Variants in CNTN6 observed in about 807,000 individuals in gnomAD.
CNTN6 encodes the protein contactin 6.
Under a neutral mutation model 122.8 loss-of-function variants are expected in CNTN6, and 137 were observed. That is an observed-to-expected ratio of 1.12 (90% confidence interval 0.97 to 1.29). The LOEUF is 1.29. CNTN6 is among the 50% of genes most tolerant of loss of function. The pLI is 0.00. For synonymous variants in CNTN6, 570 were observed against 426.0 expected, an observed-to-expected ratio of 1.34 and a Z score of -4.16; for missense variants, 1,634 against 1,223.4, an observed-to-expected ratio of 1.34 and a Z score of -5.01.
chr3:1,263,695 C>T (rs971368356), intron 4 of CNTN6, among the ~76,000 whole-genome samples: 1 of 151,958 alleles, frequency 6.6e-6, no homozygotes, highest in Non-Finnish European at 1.5e-5. Flanking sequence ...TAAACATGTT[C>T]TTGTTGAATA....
rs560243444 is a variant in CNTN6, at chr3:1,235,734, C to T, written c.358+7741C>T. On this transcript the variant is annotated intron_variant, in intron 4 of 22. Transcript: ENST00000446702. Reference sequence around the variant, plus strand: ...AAACCCTTTGAAAGAACTGGATCACCGCTGCAGGCTCCCTGAGATGCAGAA... The same window carrying T: ...AAACCCTTTGAAAGAACTGGATCACTGCTGCAGGCTCCCTGAGATGCAGAA... 1.1e-4 allele frequency among the ~76,000 whole-genome samples: 17 copies of T among 152,214 alleles called. 1 individual carries two copies. The highest frequency in any genetic ancestry group is 1.0e-3 in the South Asian group (5 of 4,826).
At chr3:1,261,501 C>T (rs1056158740) in intron 4 of CNTN6, among the ~76,000 whole-genome samples, 3 of 151,162 alleles carry the variant, frequency 2.0e-5, no homozygotes, top group African/African-American at 7.2e-5. Flanking sequence ...GGTTAAGGAT[C>T]AGTCCTCAGG....
intron 2 of CNTN6, among the ~76,000 whole-genome samples, chr3:1,155,098 C>T (rs1266747313): frequency 6.6e-6 from 1 of 152,186 alleles, no homozygotes; most frequent in African/African-American, 2.4e-5. Flanking sequence ...TAGCTTATCC[C>T]ACTATTGGTC....
rs1274481105 is a variant in CNTN6 at position 1,093,115 on chromosome 3, T to C, written c.-88T>C. Reference sequence around the variant, plus strand: ...AAAACTGTAAAGATCCCGAGACATTTCCCTGGTAAGATCTGTAAGTACAAA... The same window carrying C: ...AAAACTGTAAAGATCCCGAGACATTCCCCTGGTAAGATCTGTAAGTACAAA... On this transcript the variant is annotated 5_prime_UTR_variant, in exon 1 of 23. Coordinates refer to ENST00000446702, the MANE Select transcript of CNTN6 (RefSeq NM_001289080.2). 3.5e-6 allele frequency: 1 copy of C among 289,060 alleles called. No individual in the cohort carries two copies. The highest frequency in any genetic ancestry group is 6.9e-6 in the Non-Finnish European group (1 of 145,378). 17.9% of individuals were successfully genotyped at this position (289,060 alleles called of 1,614,324 possible).
chr3:1,295,381 A>G (rs566575825), intron 5 of CNTN6, among the ~76,000 whole-genome samples: 4 of 152,260 alleles, frequency 2.6e-5, no homozygotes, highest in Admixed American at 6.5e-5. Context: ...CAAAAAGTCA[A>G]TGATGGGGAA....
chr3:1,246,071 G>A (rs1575406485), intron 4 of CNTN6, among the ~76,000 whole-genome samples: 1 of 152,138 alleles, frequency 6.6e-6, no homozygotes, highest in East Asian at 1.9e-4. Flanking sequence ...CTTTTCCCTA[G>A]AAGTATAATA....
intron 22 of CNTN6, among the ~76,000 whole-genome samples, chr3:1,403,006 G>C (rs745715348): frequency 6.6e-6 from 1 of 152,046 alleles, no homozygotes; most frequent in Non-Finnish European, 1.5e-5. Flanking sequence ...TTTTGCATTA[G>C]AAAAATCACT....
intron 20 of CNTN6, among the ~76,000 whole-genome samples, chr3:1,393,761 G>A (rs944488725): frequency 6.6e-6 from 1 of 151,876 alleles, no homozygotes; most frequent in South Asian, 2.1e-4. Flanking sequence ...CCAGTTTAAG[G>A]TGGATTGAAA....
chr3:1,365,274 A>G (rs1408113282), intron 12 of CNTN6, among the ~76,000 whole-genome samples: 1 of 151,992 alleles, frequency 6.6e-6, no homozygotes, highest in African/African-American at 2.4e-5. Context: ...TCACCCACAA[A>G]TATATCAGAA....
chr3:1,377,376 G>T (rs141981183), intron 17 of CNTN6, among the ~76,000 whole-genome samples: 9 of 152,066 alleles, frequency 5.9e-5, no homozygotes, highest in African/African-American at 2.2e-4. Context: ...TGTTTGATTT[G>T]TTACCTGTGG....
intron 7 of CNTN6, among the ~76,000 whole-genome samples, chr3:1,317,589 T>C (rs769779566): frequency 4.6e-5 from 7 of 151,906 alleles, no homozygotes; most frequent in Non-Finnish European, 1.0e-4. Flanking sequence ...GCTTTCTCTA[T>C]TTGGTGGAAA....
At chr3:1,326,587 C>T (rs1701574594) in intron 9 of CNTN6, among the ~76,000 whole-genome samples, 1 of 151,834 alleles carries the variant, frequency 6.6e-6, no homozygotes, top group South Asian at 2.1e-4. Context: ...CCATTTAAAG[C>T]ATACTTTCTT....
chr3:1,385,576 A>G, intron 19 of CNTN6, 35 bp from the exon 20 acceptor site: 1 of 1,518,292 alleles, frequency 6.6e-7, no homozygotes, highest in South Asian at 1.2e-5. Flanking sequence ...TTATTGGGGA[A>G]CAATAAATTG....
At chr3:1,296,260 G>A (rs1232825959) in intron 6 of CNTN6, among the ~76,000 whole-genome samples, 1 of 151,988 alleles carries the variant, frequency 6.6e-6, no homozygotes, top group Non-Finnish European at 1.5e-5. Flanking sequence ...AAAATGGAGG[G>A]AAAAGTTCAT....
At chr3:1,209,823 C>G (rs182999927) in intron 2 of CNTN6, among the ~76,000 whole-genome samples, 2 of 152,136 alleles carry the variant, frequency 1.3e-5, no homozygotes, top group East Asian at 3.9e-4. Context: ...TTTCTTTATT[C>G]CTCTATTTTG....
At chr3:1,381,871 C>A (rs936369356) in intron 17 of CNTN6, among the ~76,000 whole-genome samples, 1 of 152,036 alleles carries the variant, frequency 6.6e-6, no homozygotes, top group African/African-American at 2.4e-5. Context: ...TGTTAGTCAC[C>A]GTAGAGTACA....
intron 4 of CNTN6, among the ~76,000 whole-genome samples, chr3:1,243,577 G>A (rs913582263): frequency 3.1e-4 from 47 of 151,780 alleles, no homozygotes; most frequent in African/African-American, 9.4e-4. Flanking sequence ...GTGGCTCAGG[G>A]TTGCTGCCGA....
At chr3:1,373,126 G>A (rs1036878333) in intron 14 of CNTN6, among the ~76,000 whole-genome samples, 171 bp downstream of exon 14, 3 of 152,068 alleles carry the variant, frequency 2.0e-5, no homozygotes, top group African/African-American at 7.2e-5. Context: ...TGTGAATACA[G>A]ACATGGAACT....
intron 4 of CNTN6, among the ~76,000 whole-genome samples, chr3:1,270,539 T>A (rs2095006622): frequency 6.6e-6 from 1 of 152,182 alleles, no homozygotes; most frequent in Non-Finnish European, 1.5e-5. Context: ...GTTTTTGCCG[T>A]AGGCCAAAAC....
Sources: gnomAD v4.1 joint callset for allele counts (sites outside exome capture counted in the v4.1 genomes callset) on GRCh38, gnomAD v4.1.1 for gene constraint, MANE v1.5 for transcripts, NCBI Gene and HGNC (gene_info 2026-07-23, HGNC 2026-07-21) for gene names.